IMMP2L: variants seen among roughly 807,000 people sequenced by gnomAD.
IMMP2L encodes mitochondrial inner membrane protease subunit 2.
A neutral mutation model predicts 19.3 loss-of-function variants in IMMP2L; 18 were observed. The ratio of observed to expected loss-of-function variants is 0.93; its 90% CI spans 0.64 to 1.38. The LOEUF is 1.38. Among genes scored for constraint, IMMP2L ranks in the 40% most tolerant of loss-of-function variants. IMMP2L has a pLI of 0.00. For synonymous variants in IMMP2L, 76 were observed against 73.0 expected (o/e 1.04, Z -0.21); for missense variants, 233 against 218.2 (o/e 1.07, Z -0.43).
At chr7:111,222,467 C>T (rs968383743) in intron 3 of IMMP2L, among the ~76,000 whole-genome samples, 7 of 151,434 alleles carry the variant, frequency 4.6e-5, no homozygotes, top group Non-Finnish European at 7.4e-5. Flanking sequence ...ACCTACACAT[C>T]AACAGTATTT....
chr7:111,529,694 C>T (rs1847213285), intron 1 of IMMP2L, among the ~76,000 whole-genome samples: 1 of 152,106 alleles, frequency 6.6e-6, no homozygotes, highest in African/African-American at 2.4e-5. Context: ...AAAAAGTCAA[C>T]ACTGATACAA....
chr7:111,235,058 C>G (rs1814131954), intron 3 of IMMP2L, among the ~76,000 whole-genome samples: 1 of 152,052 alleles, frequency 6.6e-6, no homozygotes, highest in African/African-American at 2.4e-5. Context: ...GTCTGAAGAA[C>G]TTTTTTTAGC....
chr7:110,965,961 C>T (rs1441871879), intron 3 of IMMP2L, among the ~76,000 whole-genome samples: 6 of 151,792 alleles, frequency 4.0e-5, no homozygotes, highest in Admixed American at 6.6e-5. Context: ...GAGATGATTA[C>T]GAATGTATGC....
intron 3 of IMMP2L, among the ~76,000 whole-genome samples, chr7:111,409,719 A>G (rs17158563): frequency 0.082 from 12,435 of 151,876 alleles, 715 homozygotes; most frequent in African/African-American, 0.11. Context: ...TACATTCATT[A>G]AATTTAAGTG....
intron 3 of IMMP2L, among the ~76,000 whole-genome samples, chr7:111,353,575 G>A (rs1828398985): frequency 6.6e-6 from 1 of 152,034 alleles, no homozygotes; most frequent in Non-Finnish European, 1.5e-5. Flanking sequence ...AGTTTCAGGA[G>A]CCTACTTAGA....
intron 5 of IMMP2L, among the ~76,000 whole-genome samples, chr7:110,786,302 C>A (rs1177380935): frequency 6.6e-6 from 1 of 152,042 alleles, no homozygotes; most frequent in Non-Finnish European, 1.5e-5. Flanking sequence ...CTTTGACACT[C>A]AGAGACATTT....
chr7:111,210,553 T>C (rs1811199452), intron 3 of IMMP2L, among the ~76,000 whole-genome samples: 1 of 152,148 alleles, frequency 6.6e-6, no homozygotes, highest in African/African-American at 2.4e-5. Context: ...AAGAAATATT[T>C]CTCTTTTCTT....
intron 2 of IMMP2L, among the ~76,000 whole-genome samples, chr7:111,505,614 T>C (rs1844806529): frequency 6.6e-6 from 1 of 152,098 alleles, no homozygotes; most frequent in South Asian, 2.1e-4. Flanking sequence ...ATGTGGCACA[T>C]ATACACCATG....
intron 1 of IMMP2L, among the ~76,000 whole-genome samples, chr7:111,529,197 C>T (rs925653499): frequency 4.6e-5 from 7 of 152,210 alleles, no homozygotes; most frequent in African/African-American, 1.7e-4. Flanking sequence ...ATCCAGCTAT[C>T]ATCCTCCACG....
rs918094875 is a variant in IMMP2L, at chr7:110,773,175, C to T, written c.409-109454G>A. 4.6e-5 allele frequency among the ~76,000 whole-genome samples: 7 copies of T among 152,058 alleles called. No individual in the cohort carries two copies. In the South Asian group the frequency reaches 1.0e-3, roughly 23 times the overall value. On this transcript the variant is annotated intron_variant, in intron 5 of 5. Transcript: ENST00000405709. ...AAAAGTGGTATTATTAGTTTAGTCA[C>T]TGTGTGCTAGAAAACCAAGGATTTT...
chr7:111,410,738 TTAAG>T (rs1412044770), intron 3 of IMMP2L, among the ~76,000 whole-genome samples: 4 of 151,692 alleles, frequency 2.6e-5, no homozygotes, highest in South Asian at 2.1e-4. Context: ...AATCACCAAA[TTAAG>T]TGTCTAAATA....
chr7:110,704,158 T>C (rs944489536), intron 5 of IMMP2L, among the ~76,000 whole-genome samples: 2 of 152,130 alleles, frequency 1.3e-5, no homozygotes, highest in South Asian at 2.1e-4. Flanking sequence ...CTTACCAAAT[T>C]CCTAATATTC....
chr7:110,925,576 TA>T, intron 4 of IMMP2L, among the ~76,000 whole-genome samples: 1 of 152,160 alleles, frequency 6.6e-6, no homozygotes, highest in Non-Finnish European at 1.5e-5. Context: ...CTTCATTAGG[TA>T]GGAAAAAACA....
At chr7:110,780,671 T>A (rs541059707) in intron 5 of IMMP2L, among the ~76,000 whole-genome samples, 178 of 151,930 alleles carry the variant, frequency 1.2e-3, no homozygotes, top group Non-Finnish European at 1.9e-3. Context: ...AGCTGATTAA[T>A]TTCCAGAAAA....
At chr7:111,402,417 G>A (rs980117722) in intron 3 of IMMP2L, among the ~76,000 whole-genome samples, 4 of 151,844 alleles carry the variant, frequency 2.6e-5, no homozygotes, top group Non-Finnish European at 5.9e-5. Context: ...AACCTTAAAA[G>A]CTTTCATTTA....
At chr7:110,751,387 G>C (rs1025232031) in intron 5 of IMMP2L, among the ~76,000 whole-genome samples, 2 of 151,724 alleles carry the variant, frequency 1.3e-5, no homozygotes, top group Admixed American at 6.6e-5. Flanking sequence ...CCATTGTCTA[G>C]ATGTTTCAAC....
intron 3 of IMMP2L, among the ~76,000 whole-genome samples, chr7:111,197,997 G>C (rs1468264472): frequency 6.6e-6 from 1 of 152,118 alleles, no homozygotes; most frequent in East Asian, 1.9e-4. Context: ...TCAGTAGACA[G>C]ATAATATTGC....
chr7:111,208,248 A>G (rs945349942), intron 3 of IMMP2L, among the ~76,000 whole-genome samples: 5 of 152,194 alleles, frequency 3.3e-5, no homozygotes, highest in Non-Finnish European at 7.3e-5. Flanking sequence ...ATCATTCAAA[A>G]AAGAACAACA....
chr7:110,947,100 C>A (rs967378338), intron 4 of IMMP2L, among the ~76,000 whole-genome samples: 1 of 152,118 alleles, frequency 6.6e-6, no homozygotes, highest in Non-Finnish European at 1.5e-5. Context: ...ATAAAATATT[C>A]ATTCTTTTAG....
Sources: allele counts gnomAD v4.1 joint callset (sites outside exome capture counted in the v4.1 genomes callset), GRCh38; gene constraint gnomAD v4.1.1; transcripts MANE v1.5; gene names NCBI Gene and HGNC (gene_info 2026-07-23, HGNC 2026-07-21).